Variants in SASH1 observed in about 807,000 individuals in gnomAD.
The protein encoded by SASH1 is SAM and SH3 domain-containing protein 1.
A neutral mutation model predicts 125.2 loss-of-function variants in SASH1; 44 were observed. The observed-to-expected ratio is 0.35, with a 90% CI of 0.28 to 0.45. SASH1 has a LOEUF of 0.45. Ranked by LOEUF, SASH1 falls within the 20% of genes least tolerant of loss-of-function variation. The pLI, the probability that SASH1 is intolerant of heterozygous loss-of-function variation, is 1.00. For missense variants in SASH1, 1,426 were observed against 1,614.5 expected (o/e 0.88, Z 2.00); for synonymous variants, 639 against 649.1 (o/e 0.98, Z 0.24).
At chr6:148,440,156 C>T (rs767320671) in intron 2 of SASH1, 28 bp from the exon 3 acceptor site, 12 of 1,611,704 alleles carry the variant, frequency 7.4e-6, no homozygotes, top group South Asian at 3.3e-5. Context: ...TTGGAAGTCC[C>T]GTTAAACTGG....
intron 4 of SASH1, among the ~76,000 whole-genome samples, chr6:148,457,722 T>C (rs1159499335): frequency 6.6e-6 from 1 of 152,186 alleles, no homozygotes; most frequent in Non-Finnish European, 1.5e-5. Context: ...TACCCAAGAC[T>C]GAGTAATTTA....
the SASH1 span, among the ~76,000 whole-genome samples, chr6:148,193,502 T>C: frequency 1.3e-5 from 2 of 152,216 alleles, no homozygotes; most frequent in South Asian, 4.1e-4. Context: ...GCTAAAATGT[T>C]TGCTTCCCTG....
At chr6:148,360,824 G>A (rs1209692076) in intron 1 of SASH1, among the ~76,000 whole-genome samples, 1 of 152,228 alleles carries the variant, frequency 6.6e-6, no homozygotes, top group Non-Finnish European at 1.5e-5. Flanking sequence ...CAGTGACCCT[G>A]TGAGGTGTGG....
At chr6:148,346,487 C>CAAAAAAA (rs71688552) in intron 1 of SASH1, among the ~76,000 whole-genome samples, 5 of 139,382 alleles carry the variant, frequency 3.6e-5, no homozygotes, top group African/African-American at 1.3e-4. Flanking sequence ...AACAAGCTTG[C>CAAAAAAA]AAAAAAAAAA....
intron 1 of SASH1, among the ~76,000 whole-genome samples, chr6:148,322,912 T>TTCTC (rs1433006653): frequency 8.4e-6 from 1 of 118,440 alleles, no homozygotes; most frequent in African/African-American, 3.3e-5. Flanking sequence ...CTCTCTTTCT[T>TTCTC]TCTTTTTTCT....
chr6:148,377,622 T>G (rs886190277), intron 1 of SASH1, among the ~76,000 whole-genome samples: 2 of 152,232 alleles, frequency 1.3e-5, no homozygotes, highest in African/African-American at 4.8e-5. Context: ...CTCAAAACCC[T>G]GTGGTCTTTG....
chr6:148,447,039 G>A (rs1160411702), intron 4 of SASH1, among the ~76,000 whole-genome samples: 2 of 152,208 alleles, frequency 1.3e-5, no homozygotes, highest in African/African-American at 4.8e-5. Flanking sequence ...TTGAAAATAG[G>A]AGCAAATTCT....
At chr6:148,539,521 C>CAAAG (rs1266905213) in intron 16 of SASH1, among the ~76,000 whole-genome samples, 2 of 152,160 alleles carry the variant, frequency 1.3e-5, no homozygotes, top group Non-Finnish European at 2.9e-5. Flanking sequence ...CAAATTGCTG[C>CAAAG]AAAGACATTA....
intron 1 of SASH1, among the ~76,000 whole-genome samples, chr6:148,313,367 A>G (rs753208953): frequency 3.3e-5 from 5 of 152,100 alleles, no homozygotes; most frequent in Non-Finnish European, 1.5e-5. Context: ...ATGGCTCAAG[A>G]GTAGCTTCAA....
At chr6:148,259,372 G>A in the SASH1 span, among the ~76,000 whole-genome samples, 5 of 152,174 alleles carry the variant, frequency 3.3e-5, no homozygotes, top group Non-Finnish European at 7.3e-5. Flanking sequence ...TGAACTGCAC[G>A]GCTGAAGAGA....
At chr6:148,254,907 A>G in the SASH1 span, among the ~76,000 whole-genome samples, 2 of 152,228 alleles carry the variant, frequency 1.3e-5, no homozygotes, top group African/African-American at 4.8e-5. Context: ...TTGTGCATGA[A>G]TGTTCATAGT....
chr6:148,280,027 G>A (rs1362272275), intron 1 of SASH1, among the ~76,000 whole-genome samples: 4 of 67,098 alleles, frequency 6.0e-5, no homozygotes, highest in Non-Finnish European at 8.4e-5. Context: ...TCCCCCCTCC[G>A]ACATTCCCCC....
the SASH1 span, among the ~76,000 whole-genome samples, chr6:148,237,102 T>C: frequency 5.9e-5 from 9 of 152,178 alleles, no homozygotes; most frequent in Non-Finnish European, 1.2e-4. Flanking sequence ...TATTCTGTTA[T>C]AGCAGCAGAA....
chr6:148,375,211 C>G (rs532484029), intron 1 of SASH1, among the ~76,000 whole-genome samples: 1 of 151,766 alleles, frequency 6.6e-6, no homozygotes, highest in African/African-American at 2.4e-5. Flanking sequence ...AGGCTGGTCT[C>G]GAACTCCTGA....
chr6:148,534,976 G>A (rs1781754689), intron 16 of SASH1, 75 bp downstream of exon 16: 5 of 1,482,640 alleles, frequency 3.4e-6, no homozygotes, highest in Non-Finnish European at 3.8e-6. Context: ...GCCAGTATGT[G>A]CTTAGGTCCC....
intron 4 of SASH1, among the ~76,000 whole-genome samples, chr6:148,454,137 G>A (rs1777229254): frequency 6.6e-6 from 1 of 152,156 alleles, no homozygotes. Context: ...CAGCTTCGCG[G>A]GTGCAGAGGG....
chr6:148,454,506 T>G (rs1777246365), intron 4 of SASH1, among the ~76,000 whole-genome samples: 1 of 152,126 alleles, frequency 6.6e-6, no homozygotes, highest in African/African-American at 2.4e-5. Context: ...ACCTGAGGGC[T>G]GACTGGGGGT....
intron 16 of SASH1, among the ~76,000 whole-genome samples, chr6:148,539,938 T>C (rs1782116423): frequency 6.6e-6 from 1 of 152,106 alleles, no homozygotes; most frequent in African/African-American, 2.4e-5. Flanking sequence ...GCTAATAAAA[T>C]TTATTTCATT....
At chr6:148,405,408 G>A (rs1348139678) in intron 2 of SASH1, among the ~76,000 whole-genome samples, 1 of 152,138 alleles carries the variant, frequency 6.6e-6, no homozygotes, top group African/African-American at 2.4e-5. Context: ...GAAAGGCACA[G>A]AGGAAAACAG....
Sources: allele counts gnomAD v4.1 joint callset (sites outside exome capture counted in the v4.1 genomes callset), GRCh38; gene constraint gnomAD v4.1.1; transcripts MANE v1.5; gene names NCBI Gene and HGNC (gene_info 2026-07-23, HGNC 2026-07-21).